Variants in RPS6KC1 observed in about 807,000 individuals in gnomAD.
The protein encoded by RPS6KC1 is ribosomal protein S6 kinase C1.
RPS6KC1 carries 54 observed loss-of-function variants against 103.8 expected under a neutral mutation model. That is an observed-to-expected ratio of 0.52 (90% CI 0.42 to 0.65). RPS6KC1 has a LOEUF of 0.65. Among genes scored for constraint, RPS6KC1 ranks in the 30% least tolerant of loss-of-function variants. The pLI, the probability that RPS6KC1 is intolerant of heterozygous loss-of-function variation, is 0.00. For missense variants in RPS6KC1, 1,151 were observed against 1,253.8 expected (o/e 0.92, Z 1.24); for synonymous variants, 439 against 438.7 (o/e 1.00, Z -0.01).
At chr1:213,103,388 C>T (rs1221587877) in intron 3 of RPS6KC1, among the ~76,000 whole-genome samples, 3 of 152,078 alleles carry the variant, frequency 2.0e-5, no homozygotes, top group African/African-American at 4.8e-5. Context: ...CTATGTGCCT[C>T]GCATGAAACT....
the RPS6KC1 span, among the ~76,000 whole-genome samples, chr1:213,791,462 T>A: frequency 6.6e-6 from 1 of 152,170 alleles, no homozygotes; most frequent in Non-Finnish European, 1.5e-5. Context: ...ATACCTGTGC[T>A]AGGTACTATT....
chr1:213,496,809 C>T, the RPS6KC1 span, among the ~76,000 whole-genome samples: 1 of 152,154 alleles, frequency 6.6e-6, no homozygotes, highest in Non-Finnish European at 1.5e-5. Flanking sequence ...GGAGCTTGCT[C>T]CTGAGGGCCA....
the RPS6KC1 span, among the ~76,000 whole-genome samples, chr1:213,633,850 A>G: frequency 7.8e-6 from 1 of 127,520 alleles, no homozygotes; most frequent in African/African-American, 3.1e-5. Context: ...GGGATGGAGG[A>G]AGATCTGCCA....
intron 8 of RPS6KC1, among the ~76,000 whole-genome samples, chr1:213,196,421 CCT>C (rs2092950748): frequency 6.6e-6 from 1 of 152,036 alleles, no homozygotes; most frequent in Non-Finnish European, 1.5e-5. Flanking sequence ...ATGTTTTCCC[CCT>C]CTCTGGCTTG....
chr1:213,276,919 C>T (rs539219362), downstream of RPS6KC1, among the ~76,000 whole-genome samples: 1 of 152,290 alleles, frequency 6.6e-6, no homozygotes, highest in Admixed American at 6.5e-5. Context: ...TATTTGTACA[C>T]CTGTTGCCCT....
the RPS6KC1 span, among the ~76,000 whole-genome samples, chr1:213,770,206 C>T: frequency 6.6e-6 from 1 of 152,148 alleles, no homozygotes; most frequent in Non-Finnish European, 1.5e-5. Flanking sequence ...AAGTGTCTTG[C>T]CCAAGGTCAT....
At chr1:213,751,346 G>A in the RPS6KC1 span, among the ~76,000 whole-genome samples, 12 of 152,298 alleles carry the variant, frequency 7.9e-5, no homozygotes, top group African/African-American at 2.9e-4. Context: ...ATATCAGGAA[G>A]TTGGGAAGCT....
chr1:213,393,462 A>G, the RPS6KC1 span, among the ~76,000 whole-genome samples: 1 of 152,044 alleles, frequency 6.6e-6, no homozygotes, highest in Non-Finnish European at 1.5e-5. Flanking sequence ...TTTTAATCTC[A>G]CTCTTAATGT....
the RPS6KC1 span, among the ~76,000 whole-genome samples, chr1:213,777,269 T>C: frequency 6.6e-6 from 1 of 152,206 alleles, no homozygotes; most frequent in African/African-American, 2.4e-5. Flanking sequence ...CCACTAAGCT[T>C]AATCATTTCT....
In RPS6KC1 at chr1:213,069,713, T is replaced by C. The variant is rs188693575; in HGVS notation, c.106-1293T>C. The stretch of plus-strand genomic sequence containing the variant: ...TTTTTTTAAAGTGAAAGCAAGTTTA[T>C]TAAGAAAGTAAGGGAATAAAGAATG... On this transcript the variant is annotated intron_variant, in intron 1 of 14. Coordinates refer to ENST00000366960, the MANE Select transcript of RPS6KC1 (RefSeq NM_012424.6). Among the ~76,000 whole-genome samples the C allele has an allele frequency of 9.8e-5, 15 of 152,310 alleles. No individual in the cohort carries two copies. In the East Asian group the frequency reaches 2.9e-3, roughly 29 times the overall value.
chr1:213,136,128 C>G (rs559731860), intron 6 of RPS6KC1, among the ~76,000 whole-genome samples: 1 of 152,214 alleles, frequency 6.6e-6, no homozygotes, highest in South Asian at 2.1e-4. Flanking sequence ...CTGTTCACAC[C>G]CTGTATTTGC....
the RPS6KC1 span, among the ~76,000 whole-genome samples, chr1:213,301,426 G>C: frequency 2.0e-5 from 3 of 152,244 alleles, no homozygotes; most frequent in East Asian, 5.8e-4. Context: ...TCGATAAATA[G>C]TGGGCAACTA....
At chr1:213,302,086 G>A in the RPS6KC1 span, among the ~76,000 whole-genome samples, 2 of 152,142 alleles carry the variant, frequency 1.3e-5, no homozygotes, top group Non-Finnish European at 2.9e-5. Context: ...TTCTGTCTCA[G>A]TAAATCTGGG....
the RPS6KC1 span, among the ~76,000 whole-genome samples, chr1:213,531,724 C>T: frequency 6.6e-6 from 1 of 152,326 alleles, no homozygotes; most frequent in East Asian, 1.9e-4. Flanking sequence ...CTAAACTCAG[C>T]ATGGCCTTCT....
the RPS6KC1 span, among the ~76,000 whole-genome samples, chr1:213,330,413 A>T: frequency 6.6e-6 from 1 of 152,214 alleles, no homozygotes; most frequent in Non-Finnish European, 1.5e-5. Context: ...ACATGTAAAC[A>T]ATGAGCTTAC....
intron 8 of RPS6KC1, among the ~76,000 whole-genome samples, chr1:213,212,787 T>C (rs2093549376): frequency 6.6e-6 from 1 of 152,218 alleles, no homozygotes. Flanking sequence ...CTAGTAGGTA[T>C]GTAGTGATAT....
At chr1:213,515,836 G>A in the RPS6KC1 span, among the ~76,000 whole-genome samples, 154 of 152,046 alleles carry the variant, frequency 1.0e-3, 1 homozygote, top group African/African-American at 1.7e-3. Context: ...GGCCATTTTC[G>A]CGATATTGAT....
intron 8 of RPS6KC1, among the ~76,000 whole-genome samples, chr1:213,195,279 A>G (rs971558827): frequency 2.0e-5 from 3 of 152,240 alleles, no homozygotes; most frequent in Admixed American, 1.3e-4. Flanking sequence ...TACACACATA[A>G]TACCAGTGTC....
chr1:213,284,950 G>C, the RPS6KC1 span, among the ~76,000 whole-genome samples: 76 of 152,308 alleles, frequency 5.0e-4, no homozygotes, highest in Non-Finnish European at 4.6e-4. Context: ...GAGAGCCAAG[G>C]ATTTTATATC....
Sources: allele counts gnomAD v4.1 joint callset (sites outside exome capture counted in the v4.1 genomes callset), GRCh38; gene constraint gnomAD v4.1.1; transcripts MANE v1.5; gene names NCBI Gene and HGNC (gene_info 2026-07-23, HGNC 2026-07-21).